HECW1: variants seen among roughly 807,000 people sequenced by gnomAD.
The protein encoded by HECW1 is HECT, C2 and WW domain containing E3 ubiquitin protein ligase 1.
HECW1 carries 61 observed loss-of-function variants against 182.3 expected under a neutral mutation model. The ratio of observed to expected loss-of-function variants is 0.33; its 90% CI spans 0.27 to 0.41. HECW1 has a LOEUF of 0.41. HECW1 is among the 10% of genes least tolerant of loss of function. The pLI, the probability that HECW1 is intolerant of heterozygous loss-of-function variation, is 1.00. For missense variants in HECW1, 1,739 were observed against 2,108.9 expected (o/e 0.82, Z 3.44); for synonymous variants, 859 against 832.6 (o/e 1.03, Z -0.55).
chr7:43,239,512 G>A (rs1220226701), intron 2 of HECW1, among the ~76,000 whole-genome samples: 2 of 152,186 alleles, frequency 1.3e-5, no homozygotes, highest in Non-Finnish European at 2.9e-5. Flanking sequence ...AGAAGAGGCG[G>A]GCCGTAAATT....
intron 24 of HECW1, among the ~76,000 whole-genome samples, chr7:43,513,511 T>G (rs1391091666): frequency 6.6e-6 from 1 of 152,218 alleles, no homozygotes; most frequent in Non-Finnish European, 1.5e-5. Context: ...GGGCTTTGTA[T>G]CCATTGGAAT....
chr7:43,447,806 A>G (rs1462623355), intron 11 of HECW1, among the ~76,000 whole-genome samples: 1 of 152,108 alleles, frequency 6.6e-6, no homozygotes, highest in East Asian at 1.9e-4. Context: ...TTGACTTCTA[A>G]GATTGCAAAT....
rs572865450 is a variant in HECW1 at position 43,243,854 on chromosome 7, C to A, written c.-31-21C>A. 4 of 1,598,176 alleles carry A rather than the reference C, an allele frequency of 2.5e-6. No homozygotes were observed. Among genetic ancestry groups the A allele is most frequent in the Non-Finnish European group, 3.4e-6 (4 of 1,165,564 alleles). ...TTGCTTGGGATACACGCTAAGTTAA[C>A]CTCGTTGGACTTTTCCCCAGGAATT... On this transcript the variant is annotated intron_variant, in intron 2 of 29. Transcript: ENST00000395891. This position sits in a 1 kb window ranked among gnomAD's most constrained non-coding sequence, Gnocchi z 4.0.
At chr7:43,536,943 A>G (rs906747498) in intron 24 of HECW1, among the ~76,000 whole-genome samples, 1 of 152,214 alleles carries the variant, frequency 6.6e-6, no homozygotes, top group African/African-American at 2.4e-5. Flanking sequence ...CAGCCTGGGC[A>G]GGCAGCGGCG....
intron 2 of HECW1, among the ~76,000 whole-genome samples, chr7:43,215,330 AG>A (rs1584008714): frequency 6.6e-6 from 1 of 152,374 alleles, no homozygotes; most frequent in East Asian, 1.9e-4. Context: ...CAATCCTCAC[AG>A]AAGCGTTGCC....
intron 2 of HECW1, chr7:43,118,055 A>C (rs1362547787): frequency 6.6e-6 from 1 of 152,596 alleles, no homozygotes; most frequent in South Asian, 2.1e-4. Context: ...AGCCGGTACC[A>C]GGGGGGCGGG....
intron 2 of HECW1, among the ~76,000 whole-genome samples, chr7:43,221,537 GTTTTTTTTTTTTTTTTTTTTT>G (rs71008897): frequency 4.0e-4 from 20 of 50,532 alleles, no homozygotes; most frequent in East Asian, 2.4e-3. Context: ...GAGGAATTAG[GTTTTTTTTTTTTTTTTTTTTT>G]TTTTTTTTTT....
At chr7:43,138,540 C>T (rs572375965) in intron 2 of HECW1, among the ~76,000 whole-genome samples, 8 of 152,106 alleles carry the variant, frequency 5.3e-5, no homozygotes, top group Non-Finnish European at 8.8e-5. Flanking sequence ...ATAAAAACGC[C>T]TTGCTTTTCT....
chr7:43,130,288 A>G (rs923681040), intron 2 of HECW1, among the ~76,000 whole-genome samples: 7 of 152,236 alleles, frequency 4.6e-5, no homozygotes, highest in Admixed American at 2.6e-4. Flanking sequence ...CATATACACA[A>G]TGAGGTATCT....
At chr7:43,453,600 A>G (rs548894598) in intron 12 of HECW1, among the ~76,000 whole-genome samples, 28 of 152,350 alleles carry the variant, frequency 1.8e-4, no homozygotes, top group Admixed American at 9.8e-4. Context: ...ATTTGTTAAA[A>G]TTGTTCAAAA....
At chr7:43,227,573 T>C (rs914899721) in intron 2 of HECW1, among the ~76,000 whole-genome samples, 1 of 152,180 alleles carries the variant, frequency 6.6e-6, no homozygotes, top group Non-Finnish European at 1.5e-5. Context: ...TATTGTAAAG[T>C]TACATTTTAT....
intron 3 of HECW1, among the ~76,000 whole-genome samples, chr7:43,311,099 T>C (rs35853922): frequency 0.073 from 11,163 of 152,282 alleles, 628 homozygotes; most frequent in Non-Finnish European, 0.11. Flanking sequence ...TCAGGTACAA[T>C]GTTTTCTACA....
intron 11 of HECW1, among the ~76,000 whole-genome samples, chr7:43,448,396 T>C (rs1224663698): frequency 6.6e-6 from 1 of 152,210 alleles, no homozygotes; most frequent in East Asian, 1.9e-4. Context: ...ATAATGTCAT[T>C]GTTATGAGCT....
At chr7:43,467,142 T>A (rs1276846882) in intron 15 of HECW1, among the ~76,000 whole-genome samples, 4 of 151,078 alleles carry the variant, frequency 2.6e-5, no homozygotes, top group African/African-American at 5.0e-5. Flanking sequence ...CAGATCTAGG[T>A]GCTGGAGTCA....
chr7:43,185,016 C>A (rs1426887893), intron 2 of HECW1, among the ~76,000 whole-genome samples: 1 of 151,996 alleles, frequency 6.6e-6, no homozygotes, highest in Non-Finnish European at 1.5e-5. Context: ...ATCCAGTCAC[C>A]CCCACCCCCT....
intron 17 of HECW1, among the ~76,000 whole-genome samples, chr7:43,488,414 G>A (rs1323960952): frequency 1.4e-3 from 122 of 86,824 alleles, no homozygotes; most frequent in African/African-American, 3.2e-3. Flanking sequence ...GAAAGAAAGA[G>A]AGAGAGAGAA....
At chr7:43,247,969 GAAAGGAAA>G (rs1799591133) in intron 3 of HECW1, among the ~76,000 whole-genome samples, 4 of 122,852 alleles carry the variant, frequency 3.3e-5, no homozygotes, top group South Asian at 2.7e-4. Flanking sequence ...AAGAAAAAGA[GAAAGGAAA>G]GAAGGAAGGA....
At chr7:43,542,740 T>C (rs990633917) in intron 26 of HECW1, among the ~76,000 whole-genome samples, 4 of 152,212 alleles carry the variant, frequency 2.6e-5, no homozygotes, top group African/African-American at 9.7e-5. Context: ...CATGTGGTAA[T>C]GGGATTTTGT....
chr7:43,441,549 T>A (rs1332305068), intron 9 of HECW1, among the ~76,000 whole-genome samples: 1 of 126,268 alleles, frequency 7.9e-6, no homozygotes, highest in Non-Finnish European at 1.9e-5. Flanking sequence ...TGTCTTTTTT[T>A]ATTCTCTCTC....
Sources: gnomAD v4.1 joint callset for allele counts (sites outside exome capture counted in the v4.1 genomes callset) on GRCh38, gnomAD v4.1.1 for gene constraint, Gnocchi (gnomAD v3.1) non-coding constraint, MANE v1.5 for transcripts, NCBI Gene and HGNC (gene_info 2026-07-23, HGNC 2026-07-21) for gene names.